The following ANO4 variants were observed in gnomAD, a reference collection of about 807,000 sequenced individuals.
ANO4 encodes the protein anoctamin 4.
A neutral mutation model predicts 141.9 loss-of-function variants in ANO4; 69 were observed. The observed-to-expected ratio is 0.49, with a 90% CI of 0.40 to 0.59. The LOEUF (loss-of-function observed/expected upper bound fraction) is 0.59. Among genes scored for constraint, ANO4 ranks in the 20% least tolerant of loss-of-function variants. The pLI is 0.00. For missense variants in ANO4, 894 were observed against 1,162.2 expected (o/e 0.77, Z 3.36); for synonymous variants, 350 against 394.3 (o/e 0.89, Z 1.33).
chr12:101,043,423 T>C (rs1328329965), intron 12 of ANO4, 116 bp from the exon 13 acceptor site: 2 of 708,964 alleles, frequency 2.8e-6, no homozygotes, highest in East Asian at 5.3e-5. Flanking sequence ...GCTAAGATGC[T>C]TCTAAGGGCA....
intron 2 of ANO4, among the ~76,000 whole-genome samples, chr12:100,903,347 T>C (rs1447368593): frequency 6.6e-6 from 1 of 152,208 alleles, no homozygotes; most frequent in Non-Finnish European, 1.5e-5. Flanking sequence ...CTCCAGCATC[T>C]CTTTCCTCCT....
rs144294807 is a variant in ANO4 at position 100,904,684 on chromosome 12, A to G, written c.55+2844A>G. Among the ~76,000 whole-genome samples, 435 of 152,312 alleles carry G rather than the reference A, an allele frequency of 2.9e-3. 4 individuals carry two copies. The highest frequency in any genetic ancestry group is 9.9e-3 in the African/African-American group (411 of 41,562). ...TAGGGACTAGATCGGGCAGGACCTT[A>G]TAGGCCATTGTAAGGACTTTGAGCC... On this transcript the variant is annotated intron_variant, in intron 2 of 27. Transcript: ENST00000392977.
chr12:100,948,150 C>CAAA (rs58889801), intron 5 of ANO4, among the ~76,000 whole-genome samples: 18 of 83,330 alleles, frequency 2.2e-4, no homozygotes, highest in African/African-American at 7.4e-4. Flanking sequence ...GACTTCGTCT[C>CAAA]AAAAAAAAAA....
intron 23 of ANO4, among the ~76,000 whole-genome samples, chr12:101,111,322 C>T (rs756914268): frequency 6.6e-6 from 1 of 152,116 alleles, no homozygotes; most frequent in Non-Finnish European, 1.5e-5. Flanking sequence ...TTATCATTAA[C>T]CAGAATTCTC....
intron 2 of ANO4, among the ~76,000 whole-genome samples, chr12:100,914,792 A>G (rs1226105681): frequency 6.6e-6 from 1 of 152,092 alleles, no homozygotes; most frequent in Non-Finnish European, 1.5e-5. Context: ...GTCTGTAAAG[A>G]CAGAATGGAC....
intron 5 of ANO4, among the ~76,000 whole-genome samples, chr12:100,953,320 A>G (rs186528544): frequency 6.6e-6 from 1 of 152,346 alleles, no homozygotes; most frequent in Admixed American, 6.5e-5. Context: ...CAGCCTGGAG[A>G]ACTGTAAATC....
At chr12:100,915,007 A>G (rs573441069) in intron 2 of ANO4, among the ~76,000 whole-genome samples, 1 of 151,874 alleles carries the variant, frequency 6.6e-6, no homozygotes, top group Admixed American at 6.6e-5. Flanking sequence ...TTTTTTAGAG[A>G]TGGAGGTCTT....
chr12:100,769,103 A>G (rs2033198860), intron 3 of ANO4, among the ~76,000 whole-genome samples: 1 of 152,206 alleles, frequency 6.6e-6, no homozygotes, highest in African/African-American at 2.4e-5. Context: ...AAACCTATTC[A>G]CACAATCATT....
At chr12:101,022,651 G>T (rs1041444366) in intron 9 of ANO4, among the ~76,000 whole-genome samples, 3 of 152,210 alleles carry the variant, frequency 2.0e-5, no homozygotes, top group Admixed American at 6.5e-5. Flanking sequence ...TATTATTGCA[G>T]TAGCTGTTCT....
intron 8 of ANO4, among the ~76,000 whole-genome samples, chr12:101,017,074 C>T (rs554874549): frequency 6.6e-6 from 1 of 152,190 alleles, no homozygotes; most frequent in Non-Finnish European, 1.5e-5. Flanking sequence ...TATAGCATCA[C>T]ATTAGTTGTT....
At chr12:100,767,694 G>A (rs1032265560) in intron 3 of ANO4, among the ~76,000 whole-genome samples, 1 of 152,100 alleles carries the variant, frequency 6.6e-6, no homozygotes, top group Admixed American at 6.5e-5. Flanking sequence ...CCTATGAATT[G>A]TTTATTTCTG....
At chr12:100,863,343 C>A (rs1160326245) in intron 1 of ANO4, among the ~76,000 whole-genome samples, 1 of 152,218 alleles carries the variant, frequency 6.6e-6, no homozygotes, top group South Asian at 2.1e-4. Flanking sequence ...AAAAGGGTGA[C>A]CAGTTAGACA....
At chr12:100,956,172 T>C (rs1237082461) in intron 5 of ANO4, among the ~76,000 whole-genome samples, 1 of 152,216 alleles carries the variant, frequency 6.6e-6, no homozygotes, top group Non-Finnish European at 1.5e-5. Context: ...CATCACACTG[T>C]ACTTATATTT....
chr12:100,943,216 A>G (rs2042586773), intron 5 of ANO4, among the ~76,000 whole-genome samples: 4 of 152,226 alleles, frequency 2.6e-5, no homozygotes, highest in African/African-American at 9.6e-5. Flanking sequence ...GCACATTTGT[A>G]GAACTTGGCC....
chr12:101,066,862 TA>T, intron 14 of ANO4: 1 of 1,234,662 alleles, frequency 8.1e-7, no homozygotes, highest in Non-Finnish European at 1.2e-6. Flanking sequence ...GTGAGAGAGA[TA>T]AGGTCAAATT....
At chr12:101,069,852 T>G (rs1392267857) in intron 14 of ANO4, among the ~76,000 whole-genome samples, 63 of 151,960 alleles carry the variant, frequency 4.1e-4, no homozygotes, top group Non-Finnish European at 2.9e-5. Flanking sequence ...GATAATGTGG[T>G]CTACTTTATA....
chr12:101,090,722 A>G (rs1010089008), intron 17 of ANO4, among the ~76,000 whole-genome samples: 9 of 152,114 alleles, frequency 5.9e-5, no homozygotes, highest in African/African-American at 2.2e-4. Flanking sequence ...CATTGTGCAC[A>G]TGTACCCTAG....
chr12:100,793,425 C>G (rs780537756), upstream of ANO4, among the ~76,000 whole-genome samples: 1 of 152,076 alleles, frequency 6.6e-6, no homozygotes, highest in Non-Finnish European at 1.5e-5. Context: ...GGAGCTCAGC[C>G]CTTCCTTTTA....
intron 3 of ANO4, among the ~76,000 whole-genome samples, chr12:100,746,824 G>T (rs532772977): frequency 6.6e-6 from 1 of 152,098 alleles, no homozygotes; most frequent in Non-Finnish European, 1.5e-5. Context: ...CAGGGCTCTC[G>T]TTTCTCTCCT....
Sources: allele counts gnomAD v4.1 joint callset (sites outside exome capture counted in the v4.1 genomes callset), GRCh38; gene constraint gnomAD v4.1.1; transcripts MANE v1.5; gene names NCBI Gene and HGNC (gene_info 2026-07-23, HGNC 2026-07-21).